DNAJC1: variants seen among roughly 807,000 people sequenced by gnomAD.
DNAJC1 encodes dnaJ homolog subfamily C member 1.
Under a neutral mutation model 76.6 loss-of-function variants are expected in DNAJC1, and 58 were observed. The observed-to-expected ratio is 0.76, with a 90% confidence interval of 0.61 to 0.94. The LOEUF (loss-of-function observed/expected upper bound fraction) is 0.94. Among genes scored for constraint, DNAJC1 ranks in the 40% least tolerant of loss-of-function variants. The probability of loss-of-function intolerance (pLI) is 0.00; values close to 1 mark genes in which losing one functional copy is unlikely to be tolerated. For synonymous variants in DNAJC1, 258 were observed against 267.9 expected (o/e 0.96, Z 0.36); for missense variants, 689 against 677.3 (o/e 1.02, Z -0.19).
chr10:21,930,522 G>A (rs1277569058), intron 1 of DNAJC1, among the ~76,000 whole-genome samples: 1 of 152,138 alleles, frequency 6.6e-6, no homozygotes, highest in Admixed American at 6.5e-5. Flanking sequence ...GACAAAGTGA[G>A]GCTATAATTA....
chr10:21,782,909 T>C (rs1021940432), intron 9 of DNAJC1, among the ~76,000 whole-genome samples: 14 of 152,180 alleles, frequency 9.2e-5, no homozygotes, highest in African/African-American at 3.4e-4. Context: ...GTCAAAATAG[T>C]AAGAGCTATT....
In DNAJC1 at chr10:22,003,444, C is replaced by T; in HGVS notation, c.-10G>A. 7.4e-7 allele frequency: 1 copy of T among 1,357,324 alleles called. No individual in the cohort carries two copies. The highest frequency in any genetic ancestry group is 1.9e-5 in the South Asian group (1 of 51,810). 84.1% of individuals were successfully genotyped at this position (1,357,324 alleles called of 1,614,324 possible). The stretch of plus-strand genomic sequence containing the variant: ...AGCAAGGAGCCGTCATCGCGCTGGG[C>T]TCGGAAAGGTCACCCGCCGCGCAGC... On this transcript the variant is annotated 5_prime_UTR_variant, in exon 1 of 12. Coordinates refer to ENST00000376980, the MANE Select transcript of DNAJC1 (RefSeq NM_022365.4).
intron 6 of DNAJC1, among the ~76,000 whole-genome samples, chr10:21,907,011 T>C (rs1836757294): frequency 6.6e-6 from 1 of 152,172 alleles, no homozygotes; most frequent in African/African-American, 2.4e-5. Context: ...ACCTTTTTAA[T>C]TGCATCCTTC....
chr10:21,965,593 G>A (rs1359926595), intron 1 of DNAJC1, among the ~76,000 whole-genome samples: 2 of 152,168 alleles, frequency 1.3e-5, no homozygotes, highest in Admixed American at 6.5e-5. Context: ...AGACTTGGGA[G>A]TGTCCAGATA....
At chr10:21,928,179 G>C (rs1837160035) in intron 3 of DNAJC1, among the ~76,000 whole-genome samples, 1 of 152,118 alleles carries the variant, frequency 6.6e-6, no homozygotes, top group South Asian at 2.1e-4. Context: ...CTGACATATG[G>C]GAAGGAATGG....
At chr10:21,780,180 T>C (rs978052119) in intron 9 of DNAJC1, among the ~76,000 whole-genome samples, 1 of 152,242 alleles carries the variant, frequency 6.6e-6, no homozygotes, top group African/African-American at 2.4e-5. Flanking sequence ...TTCAGGATTT[T>C]ATCCAGGAGA....
At chr10:21,844,268 T>G (rs1188906686) in intron 8 of DNAJC1, among the ~76,000 whole-genome samples, 3 of 114,668 alleles carry the variant, frequency 2.6e-5, no homozygotes, top group Non-Finnish European at 4.9e-5. Flanking sequence ...ACCTGGCTAA[T>G]TTTTTTTTTT....
chr10:21,898,933 C>A (rs1207449376), intron 7 of DNAJC1, among the ~76,000 whole-genome samples: 1 of 151,970 alleles, frequency 6.6e-6, no homozygotes, highest in East Asian at 1.9e-4. Flanking sequence ...GCACCTTCAA[C>A]TGAAATATCC....
rs535809551 is a variant in DNAJC1 at position 21,915,564 on chromosome 10, G to C, written c.729+3215C>G. Among the ~76,000 whole-genome samples the C allele has an allele frequency of 1.9e-3, 296 of 152,142 alleles. 2 individuals are homozygous for C. Among genetic ancestry groups the C allele is most frequent in the Middle Eastern group, 0.01 (3 of 294 alleles). ...TTAATTAACTTTTCATAAAATTCAAGGAATTTACGCCAAAAGTAAAACTCT... is the reference window on the plus strand; with the variant it reads ...TTAATTAACTTTTCATAAAATTCAACGAATTTACGCCAAAAGTAAAACTCT... On this transcript the variant is annotated intron_variant, in intron 6 of 11. Transcript: ENST00000376980.
At chr10:21,814,575 G>A (rs1479818342) in intron 8 of DNAJC1, among the ~76,000 whole-genome samples, 1 of 152,172 alleles carries the variant, frequency 6.6e-6, no homozygotes, top group Admixed American at 6.5e-5. Context: ...GATCAGGTGG[G>A]TTGTCTTACA....
At chr10:21,960,225 A>T (rs1564838920) in intron 1 of DNAJC1, among the ~76,000 whole-genome samples, 1 of 152,190 alleles carries the variant, frequency 6.6e-6, no homozygotes, top group Non-Finnish European at 1.5e-5. Context: ...TATCTTAGGA[A>T]TTACAATTAA....
intron 9 of DNAJC1, among the ~76,000 whole-genome samples, chr10:21,796,255 C>T (rs990514860): frequency 2.0e-5 from 3 of 152,114 alleles, no homozygotes; most frequent in African/African-American, 7.2e-5. Flanking sequence ...CAGGTGTGAG[C>T]CACCTCACCC....
At chr10:21,786,790 G>A (rs912850513) in intron 9 of DNAJC1, among the ~76,000 whole-genome samples, 3 of 151,976 alleles carry the variant, frequency 2.0e-5, no homozygotes, top group Non-Finnish European at 4.4e-5. Flanking sequence ...AATTTCTATC[G>A]ATCCAATTAC....
intron 1 of DNAJC1, among the ~76,000 whole-genome samples, chr10:21,956,556 T>C: frequency 6.6e-6 from 1 of 150,840 alleles, no homozygotes; most frequent in Non-Finnish European, 1.5e-5. Flanking sequence ...TACACATACA[T>C]ATATAAATAC....
chr10:21,832,427 G>A (rs757519094), intron 8 of DNAJC1, among the ~76,000 whole-genome samples: 5 of 152,158 alleles, frequency 3.3e-5, no homozygotes, highest in South Asian at 4.1e-4. Context: ...GTTTCCTGAT[G>A]TATGTCCCAT....
intron 8 of DNAJC1, among the ~76,000 whole-genome samples, chr10:21,820,243 T>C (rs1448335809): frequency 6.6e-6 from 1 of 152,216 alleles, no homozygotes; most frequent in Non-Finnish European, 1.5e-5. Flanking sequence ...TAGTAGCATA[T>C]ATCAGTACTT....
chr10:21,831,878 G>T (rs1345135546), intron 8 of DNAJC1, among the ~76,000 whole-genome samples: 1 of 151,848 alleles, frequency 6.6e-6, no homozygotes, highest in Admixed American at 6.6e-5. Flanking sequence ...ATCTCCCAAG[G>T]AAGCCTTCTC....
rs568119175 is a variant in DNAJC1, at chr10:21,896,495, G to C, written c.820+8027C>G. Among the ~76,000 whole-genome samples, 196 of 152,024 alleles carry C rather than the reference G, an allele frequency of 1.3e-3. 2 individuals carry two copies. The highest frequency in any genetic ancestry group is 4.4e-3 in the African/African-American group (184 of 41,470). On this transcript the variant is annotated intron_variant, in intron 7 of 11. Transcript: ENST00000376980. ...GCATGAGAATATCAATTTTATGCCGGTCCCATCATTATAATGTGGAAGCAT... is the reference window on the plus strand; with the variant it reads ...GCATGAGAATATCAATTTTATGCCGCTCCCATCATTATAATGTGGAAGCAT...
At chr10:21,894,877 C>T (rs887252801) in intron 7 of DNAJC1, among the ~76,000 whole-genome samples, 1 of 152,200 alleles carries the variant, frequency 6.6e-6, no homozygotes, top group Admixed American at 6.5e-5. Context: ...GCATTCATCT[C>T]CCCTAGAGGA....
Sources: allele counts gnomAD v4.1 joint callset (sites outside exome capture counted in the v4.1 genomes callset), GRCh38; gene constraint gnomAD v4.1.1; transcripts MANE v1.5; gene names NCBI Gene and HGNC (gene_info 2026-07-23, HGNC 2026-07-21).